The following PDE8B variants were observed in gnomAD, a reference collection of about 807,000 sequenced individuals.
The protein encoded by PDE8B is high affinity cAMP-specific and IBMX-insensitive 3',5'-cyclic phosphodiesterase 8B.
Under a neutral mutation model 101.3 loss-of-function variants are expected in PDE8B, and 26 were observed. The observed-to-expected ratio is 0.26, with a 90% confidence interval of 0.19 to 0.36. The LOEUF (loss-of-function observed/expected upper bound fraction) is 0.36, where lower values mean the gene tolerates loss of function less well. Among genes scored for constraint, PDE8B ranks in the 10% least tolerant of loss-of-function variants. The pLI is 1.00. For synonymous variants in PDE8B, 424 were observed against 429.3 expected (o/e 0.99, Z 0.15); for missense variants, 810 against 1,163.1 (o/e 0.70, Z 4.42).
chr5:77,283,666 A>C (rs934009135), intron 1 of PDE8B, among the ~76,000 whole-genome samples: 2 of 152,172 alleles, frequency 1.3e-5, no homozygotes, highest in Admixed American at 1.3e-4. Context: ...TGGGTTGACA[A>C]ACTATTTCTT....
chr5:77,095,507 GAA>G, the PDE8B span, among the ~76,000 whole-genome samples: 1 of 152,146 alleles, frequency 6.6e-6, no homozygotes, highest in Admixed American at 6.5e-5. Context: ...CCATTGAGTA[GAA>G]ACTTTGCTCA....
At chr5:77,130,393 T>C in the PDE8B span, among the ~76,000 whole-genome samples, 1 of 152,154 alleles carries the variant, frequency 6.6e-6, no homozygotes, top group Non-Finnish European at 1.5e-5. Flanking sequence ...GGGAGTCAGA[T>C]AAATGCCAGG....
At chr5:77,102,299 G>A in the PDE8B span, among the ~76,000 whole-genome samples, 1 of 152,142 alleles carries the variant, frequency 6.6e-6, no homozygotes, top group East Asian at 1.9e-4. Context: ...GTCTGCACAA[G>A]AATTGTTAGG....
intron 1 of PDE8B, among the ~76,000 whole-genome samples, chr5:77,276,518 CA>C (rs1284858654): frequency 6.6e-6 from 1 of 152,184 alleles, no homozygotes; most frequent in Non-Finnish European, 1.5e-5. Flanking sequence ...GTGGAGTCTT[CA>C]ATAAATACCT....
At chr5:77,390,359 A>G (rs956666743) in intron 10 of PDE8B, among the ~76,000 whole-genome samples, 1 of 152,220 alleles carries the variant, frequency 6.6e-6, no homozygotes, top group African/African-American at 2.4e-5. Flanking sequence ...GTAAGCCTCC[A>G]AGGACTTGCT....
the PDE8B span, chr5:77,105,981 A>C: frequency 1.3e-5 from 2 of 152,164 alleles, 1 homozygote; most frequent in Non-Finnish European, 2.9e-5. Context: ...CTCCTTTAGC[A>C]AAGGGTCTTT....
At chr5:77,233,639 C>T (rs1156289015) in intron 1 of PDE8B, among the ~76,000 whole-genome samples, 2 of 148,632 alleles carry the variant, frequency 1.3e-5, no homozygotes, top group African/African-American at 2.5e-5. Flanking sequence ...TGACAGCCCC[C>T]AACCCCCTGA....
Position 77,393,403 on chromosome 5 carries a change from AAAAG to A in PDE8B, c.1168-6833_1168-6830del, listed in dbSNP as rs1410695440. On this transcript the variant is annotated intron_variant, in intron 10 of 21. Coordinates refer to ENST00000264917, the MANE Select transcript of PDE8B (RefSeq NM_003719.5). ...GAGTGAGACTGTCTCCAAAAAAAAA[AAAAG>A]AAAGAAAGAAAAAGAAAAAGAGTGG... Among the ~76,000 whole-genome samples, 551 of 151,920 alleles carry A rather than the reference AAAAG, an allele frequency of 3.6e-3. 1 individual carries two copies. Among genetic ancestry groups the A allele is most frequent in the African/African-American group, 0.013 (519 of 41,460 alleles).
chr5:77,193,188 A>G, the PDE8B span, among the ~76,000 whole-genome samples: 1 of 152,100 alleles, frequency 6.6e-6, no homozygotes. Flanking sequence ...ATTGCAATTT[A>G]TCATGTTTTT....
At chr5:77,390,999 G>A (rs1052244656) in intron 10 of PDE8B, among the ~76,000 whole-genome samples, 5 of 152,214 alleles carry the variant, frequency 3.3e-5, no homozygotes, top group South Asian at 2.1e-4. Context: ...GGGAATACAC[G>A]TAAGAGATGG....
At chr5:77,349,394 A>T in intron 7 of PDE8B, 25 bp from the exon 8 acceptor site, 4 of 1,613,922 alleles carry the variant, frequency 2.5e-6, no homozygotes, top group Non-Finnish European at 3.4e-6. Flanking sequence ...CCCCGCACTG[A>T]TCTGTACCAA....
At chr5:77,403,745 T>C (rs1360358033) in intron 11 of PDE8B, among the ~76,000 whole-genome samples, 1 of 152,186 alleles carries the variant, frequency 6.6e-6, no homozygotes, top group Non-Finnish European at 1.5e-5. Flanking sequence ...AGATTAACTT[T>C]ATAATAGTTC....
chr5:77,265,269 T>C (rs72766938), intron 1 of PDE8B, among the ~76,000 whole-genome samples: 6,344 of 152,312 alleles, frequency 0.042, 199 homozygotes, highest in African/African-American at 0.078. Context: ...AAATACCTGC[T>C]GGACTTTAAT....
chr5:77,369,080 G>T (rs979579203), intron 10 of PDE8B, among the ~76,000 whole-genome samples: 11 of 151,810 alleles, frequency 7.2e-5, no homozygotes, highest in Non-Finnish European at 1.2e-4. Flanking sequence ...GTGCAGGCCT[G>T]TAATCCAAGC....
chr5:77,360,280 A>G (rs911269230), intron 10 of PDE8B, among the ~76,000 whole-genome samples: 2 of 146,688 alleles, frequency 1.4e-5, no homozygotes, highest in South Asian at 2.2e-4. Flanking sequence ...TAAAATTCCA[A>G]AGGTTGCACT....
intron 1 of PDE8B, among the ~76,000 whole-genome samples, chr5:77,287,601 T>C (rs1291682389): frequency 6.6e-6 from 1 of 152,184 alleles, no homozygotes; most frequent in East Asian, 1.9e-4. Context: ...ATGTGACACC[T>C]TTTCTCTGTG....
the PDE8B span, among the ~76,000 whole-genome samples, chr5:77,167,538 C>T: frequency 1.3e-5 from 2 of 152,148 alleles, no homozygotes; most frequent in African/African-American, 4.8e-5. Context: ...CAGGGCACGT[C>T]GATGCGGAGG....
intron 1 of PDE8B, among the ~76,000 whole-genome samples, chr5:77,301,472 GC>G (rs1769922027): frequency 6.6e-6 from 1 of 152,196 alleles, no homozygotes; most frequent in South Asian, 2.1e-4. Flanking sequence ...GGCATCAGAG[GC>G]ATGCAGGAGG....
Position 77,426,568 on chromosome 5 carries a change from A to AG in PDE8B, c.*19dup, listed in dbSNP as rs571702160. 4.6e-5 allele frequency: 65 copies of AG among 1,419,198 alleles called. No individual in the cohort carries two copies. In the East Asian group the frequency reaches 1.0e-3, roughly 22 times the overall value. 87.9% of individuals were successfully genotyped at this position (1,419,198 alleles called of 1,614,324 possible). ...TCTGACAGCTAAAGCCAAGCCACAGAGGGGGCCTCTTGACCGACAAAGGAC... is the reference window on the plus strand; with the variant it reads ...TCTGACAGCTAAAGCCAAGCCACAGAGGGGGGCCTCTTGACCGACAAAGGAC... On this transcript the variant is annotated 3_prime_UTR_variant, in exon 22 of 22. Coordinates refer to ENST00000264917, the MANE Select transcript of PDE8B (RefSeq NM_003719.5).
Sources: allele counts gnomAD v4.1 joint callset (sites outside exome capture counted in the v4.1 genomes callset), GRCh38; gene constraint gnomAD v4.1.1; transcripts MANE v1.5; gene names NCBI Gene and HGNC (gene_info 2026-07-23, HGNC 2026-07-21).